The following PADI2 variants were observed in gnomAD, a reference collection of about 807,000 sequenced individuals.
PADI2 encodes the protein protein-arginine deiminase type-2.
In PADI2, 70 loss-of-function variants were observed where a neutral mutation model predicts 81.1. The ratio of observed to expected loss-of-function variants is 0.86; its 90% CI spans 0.71 to 1.05. The LOEUF is 1.05. PADI2 is among the 50% of genes least tolerant of loss of function. The pLI is 0.00. For synonymous variants in PADI2, 338 were observed against 358.0 expected, an observed-to-expected ratio of 0.94 and a Z score of 0.63; for missense variants, 853 against 889.9, an observed-to-expected ratio of 0.96 and a Z score of 0.53.
rs547399194 is a variant in PADI2, at chr1:17,107,332, G to A, written c.93-2271C>T. Among the ~76,000 whole-genome samples the A allele has an allele frequency of 1.2e-3, 182 of 152,302 alleles. 2 individuals are homozygous for A. The highest frequency in any genetic ancestry group is 6.8e-3 in the Middle Eastern group (2 of 294). On this transcript the variant is annotated intron_variant, in intron 1 of 15. Transcript: ENST00000375486. The stretch of plus-strand genomic sequence containing the variant: ...CTGTAGATTTGTAGATCCAGTCTCT[G>A]GAGAGGCTGGCTGGCATGGCAGAGG...
chr1:17,117,541 G>A (rs1014626410), intron 1 of PADI2, among the ~76,000 whole-genome samples: 4 of 152,244 alleles, frequency 2.6e-5, no homozygotes, highest in South Asian at 2.1e-4. Context: ...CTTTGTGGTC[G>A]TTGAGACAGG....
chr1:17,079,081 C>A, intron 11 of PADI2, 183 bp downstream of exon 11: 1 of 528,838 alleles, frequency 1.9e-6, no homozygotes, highest in Non-Finnish European at 3.4e-6. Flanking sequence ...TCCTAAATCA[C>A]ACAAAGATAT....
chr1:17,088,376 G>C (rs1930542974), intron 6 of PADI2, among the ~76,000 whole-genome samples: 1 of 152,186 alleles, frequency 6.6e-6, no homozygotes, highest in Admixed American at 6.5e-5. Context: ...TTAATGACCA[G>C]ATGCTCAAGG....
intron 6 of PADI2, among the ~76,000 whole-genome samples, chr1:17,087,887 G>T (rs1930528349): frequency 6.6e-6 from 1 of 152,226 alleles, no homozygotes; most frequent in South Asian, 2.1e-4. Context: ...CCCGGCACAT[G>T]GTCATGTTTA....
intron 6 of PADI2, among the ~76,000 whole-genome samples, chr1:17,087,121 CA>C (rs1188686429): frequency 6.6e-6 from 1 of 152,192 alleles, no homozygotes; most frequent in Non-Finnish European, 1.5e-5. Flanking sequence ...GACTCAGATT[CA>C]AGTCGAATTC....
At position 17,066,990 on chromosome 1, in the gene PADI2, A is replaced by C. The variant is rs2078226261; in HGVS notation, c.*2054T>G. The C allele has an allele frequency of 6.6e-6, 1 of 151,982 alleles. No individual in the cohort carries two copies. Among genetic ancestry groups the C allele is most frequent in the African/African-American group, 2.4e-5 (1 of 41,342 alleles). 9.4% of individuals were successfully genotyped at this position (151,982 alleles called of 1,614,324 possible). ...GTATTCTAGGCCTACATTTATAGAA[A>C]GTGGGGGTGGGGAAGAGCCATGAGT... On this transcript the variant is annotated 3_prime_UTR_variant, in exon 16 of 16. Transcript: ENST00000375486.
chr1:17,097,807 T>C (rs2746510), intron 3 of PADI2, among the ~76,000 whole-genome samples: 93,036 of 151,806 alleles, frequency 0.61, 28,870 homozygotes, highest in African/African-American at 0.68. Flanking sequence ...CTGGTTTTGG[T>C]TCCTGGACCT....
chr1:17,081,371 G>A (rs762333136), intron 10 of PADI2, among the ~76,000 whole-genome samples: 1 of 152,216 alleles, frequency 6.6e-6, no homozygotes, highest in African/African-American at 2.4e-5. Context: ...ACTGAGGCTC[G>A]TGGAAGGTAA....
At chr1:17,107,371 G>A (rs1422903268) in intron 1 of PADI2, among the ~76,000 whole-genome samples, 1 of 152,182 alleles carries the variant, frequency 6.6e-6, no homozygotes, top group Non-Finnish European at 1.5e-5. Flanking sequence ...AGGGTGCTGG[G>A]GCAGCTGAAG....
At chr1:17,105,133 T>A in intron 1 of PADI2, 72 bp from the exon 2 acceptor site, 1 of 1,108,664 alleles carries the variant, frequency 9.0e-7, no homozygotes, top group Non-Finnish European at 1.2e-6. Context: ...AAGAGGAGAC[T>A]CCTGCTTCCA....
intron 1 of PADI2, among the ~76,000 whole-genome samples, chr1:17,113,460 C>A (rs1004639984): frequency 6.6e-6 from 1 of 152,118 alleles, no homozygotes; most frequent in African/African-American, 2.4e-5. Context: ...GGCAAGCACC[C>A]GCTTCAAATC....
At chr1:17,099,091 C>T (rs1931048879) in intron 3 of PADI2, among the ~76,000 whole-genome samples, 1 of 152,236 alleles carries the variant, frequency 6.6e-6, no homozygotes, top group South Asian at 2.1e-4. Context: ...GGATTGGGTT[C>T]AAGGCAGTCT....
intron 11 of PADI2, among the ~76,000 whole-genome samples, chr1:17,076,213 T>C (rs1477053104): frequency 6.6e-6 from 1 of 152,106 alleles, no homozygotes; most frequent in African/African-American, 2.4e-5. Flanking sequence ...CTACTTACTT[T>C]AATCTTTTTT....
At chr1:17,104,458 G>A (rs1373425804) in intron 2 of PADI2, among the ~76,000 whole-genome samples, 19 of 8,390 alleles carry the variant, frequency 2.3e-3, no homozygotes, top group Non-Finnish European at 5.0e-4. Context: ...TTTTTGAGAC[G>A]GAGTCTCGCT....
intron 6 of PADI2, among the ~76,000 whole-genome samples, chr1:17,091,326 C>A (rs1206327438): frequency 6.6e-6 from 1 of 150,570 alleles, no homozygotes; most frequent in Non-Finnish European, 1.5e-5. Flanking sequence ...CCCGCCACCC[C>A]ACGACCCGCC....
chr1:17,084,208 C>A (rs974362176), intron 8 of PADI2, among the ~76,000 whole-genome samples: 15 of 152,196 alleles, frequency 9.9e-5, no homozygotes, highest in Non-Finnish European at 2.1e-4. Context: ...ATCACAGGCA[C>A]TTTTTCCCTT....
At chr1:17,084,538 A>G (rs774629180) in intron 8 of PADI2, 61 bp downstream of exon 8, 2 of 1,002,138 alleles carry the variant, frequency 2.0e-6, no homozygotes, top group Admixed American at 4.3e-5. Flanking sequence ...ACTCATGTCC[A>G]TCTGACTCGG....
intron 3 of PADI2, among the ~76,000 whole-genome samples, chr1:17,101,723 A>G (rs2746502): frequency 0.96 from 145,602 of 152,194 alleles, 69,658 homozygotes; most frequent in East Asian, 1. Flanking sequence ...CTCGGGAGTT[A>G]GTTGTATCTT....
intron 11 of PADI2, among the ~76,000 whole-genome samples, chr1:17,078,847 C>T (rs1299034422): frequency 1.3e-5 from 2 of 152,134 alleles, no homozygotes; most frequent in Non-Finnish European, 2.9e-5. Context: ...AGATGCATGC[C>T]ACCATGCCTG....
Sources: gnomAD v4.1 joint callset for allele counts (sites outside exome capture counted in the v4.1 genomes callset) on GRCh38, gnomAD v4.1.1 for gene constraint, MANE v1.5 for transcripts, NCBI Gene and HGNC (gene_info 2026-07-23, HGNC 2026-07-21) for gene names.